Variants in FASTKD5 observed in about 807,000 individuals in gnomAD.
FASTKD5 encodes non-canonical pre-mRNAs endonuclease FASTKD5, mitochondrial.
A neutral mutation model predicts 44.0 loss-of-function variants in FASTKD5; 30 were observed. That is an observed-to-expected ratio of 0.68 (90% CI 0.51 to 0.93). FASTKD5 has a LOEUF of 0.93. FASTKD5 is among the 40% of genes least tolerant of loss of function. FASTKD5 has a pLI of 0.00. For missense variants in FASTKD5, 868 were observed against 908.2 expected, an observed-to-expected ratio of 0.96 and a Z score of 0.57; for synonymous variants, 335 against 342.2, an observed-to-expected ratio of 0.98 and a Z score of 0.23.
rs2066595569 is a variant in FASTKD5, at chr20:3,148,807, G to A, written c.264C>T (p.Ala88=). The part of the protein sequence containing the change: ...LEFSKTSSSK[A]STLQLGSPRA... ...TGGGTGAGCCCAGCTGCAATGTACT[G>A]GCCTTAGAGGAAGAAGTCTTGCTGA... Residue 88 remains alanine (A), a synonymous_variant, in exon 2 of 2, where the codon GCC becomes GCT. Coordinates refer to ENST00000380266, the MANE Select transcript of FASTKD5 (RefSeq NM_021826.5). 6.2e-7 allele frequency: 1 copy of A among 1,614,174 alleles called. No individual in the cohort carries two copies. Among genetic ancestry groups the A allele is most frequent in the African/African-American group, 1.3e-5 (1 of 75,036 alleles).
chr20:3,159,069 C>G (rs1042040305), intron 1 of FASTKD5, among the ~76,000 whole-genome samples: 1 of 152,078 alleles, frequency 6.6e-6, no homozygotes, highest in Non-Finnish European at 1.5e-5. Context: ...TGAGGGGACC[C>G]AAAGTTCCCT....
In FASTKD5 at chr20:3,147,980, C is replaced by T. The variant is rs541661773; in HGVS notation, c.1091G>A (p.Arg364His). Reference sequence around the variant, plus strand: ...ATTGATGTGATCCACGTGAGTGAAACGGAACATTTTAACAATATTCACTAA... The same window carrying T: ...ATTGATGTGATCCACGTGAGTGAAATGGAACATTTTAACAATATTCACTAA... Reference protein sequence around the residue: ...RSLVNIVKMFRFTHVDHINFM... With the variant: ...RSLVNIVKMFHFTHVDHINFM... The change falls in exon 2 of 2, where the codon CGT becomes CAT. Residue 364 changes from arginine to histidine, a missense_variant. Coordinates refer to ENST00000380266, the MANE Select transcript of FASTKD5 (RefSeq NM_021826.5). 5.6e-6 allele frequency: 9 copies of T among 1,614,144 alleles called. No homozygotes were observed. In the East Asian group the frequency reaches 6.7e-5, roughly 12 times the overall value.
At position 3,154,084 on chromosome 20, in the gene FASTKD5, C is replaced by A. The variant is rs937747023; in HGVS notation, c.-190-4824G>T. On this transcript the variant is annotated intron_variant, in intron 1 of 1. Coordinates refer to ENST00000380266, the MANE Select transcript of FASTKD5 (RefSeq NM_021826.5). ...AGGATCAAAGTAAGGAGAGCTACCACAATTGAAGACCTGAAAGTTGGCAGT... is the reference window on the plus strand; with the variant it reads ...AGGATCAAAGTAAGGAGAGCTACCAAAATTGAAGACCTGAAAGTTGGCAGT... Among the ~76,000 whole-genome samples the A allele has an allele frequency of 2.0e-5, 3 of 152,094 alleles. No homozygotes were observed. In the East Asian group the frequency reaches 5.8e-4, roughly 29 times the overall value.
chr20:3,148,933 G>A lies in FASTKD5; in HGVS notation c.138C>T (p.His46=), dbSNP rs777005954. 1.1e-5 allele frequency: 18 copies of A among 1,614,194 alleles called. No homozygotes were observed. In the East Asian group the frequency reaches 4.0e-4, roughly 36 times the overall value. ...TQHGGQDPPE[H]ISLCHSAKKV... Reference sequence around the variant, plus strand: ...TTTTGGCAGAATGGCAGAGGCTAATGTGTTCTGGAGGGTCCTGTCCCCCAT... The same window carrying A: ...TTTTGGCAGAATGGCAGAGGCTAATATGTTCTGGAGGGTCCTGTCCCCCAT... Residue 46 remains histidine, a synonymous_variant, in exon 2 of 2, where the codon CAC becomes CAT. Transcript: ENST00000380266.
intron 1 of FASTKD5, chr20:3,151,740 GA>G (rs1242930763): frequency 6.6e-6 from 1 of 151,874 alleles, no homozygotes; most frequent in Non-Finnish European, 1.5e-5. Context: ...GATAATTGAA[GA>G]TTACAGTCCT....
Position 3,147,590 on chromosome 20 carries a change from A to G in FASTKD5, c.1481T>C (p.Leu494Pro). 6.2e-7 allele frequency: 1 copy of G among 1,614,236 alleles called. No individual in the cohort carries two copies. Among genetic ancestry groups the G allele is most frequent in the African/African-American group, 1.3e-5 (1 of 75,058 alleles). The change falls in exon 2 of 2, where the codon CTC (leucine) becomes CCC (proline). Residue 494 changes from leucine (L) to proline (P), a missense_variant. Coordinates refer to ENST00000380266, the MANE Select transcript of FASTKD5 (RefSeq NM_021826.5). ...AGCTAACCTGACAAACCCTGGACTG[A>G]GAGCGAAATCAATTAACTCTACTGG... ...YFPVELIDFA[L>P]SPGFVRLAQE...
Position 3,149,177 on chromosome 20 carries a change from G to T in FASTKD5, c.-107C>A. ...CTTGATTAGAGCTGGACGGGGAGGT[G>T]TTCCACAAAAACTGCCTGGAAATCT... On this transcript the variant is annotated 5_prime_UTR_variant, in exon 2 of 2. Coordinates refer to ENST00000380266, the MANE Select transcript of FASTKD5 (RefSeq NM_021826.5). The surrounding 1 kb of genome is among the most constrained non-coding windows in gnomAD (Gnocchi z 4.1). 1.6e-6 allele frequency: 2 copies of T among 1,288,600 alleles called. No individual in the cohort carries two copies. The highest frequency in any genetic ancestry group is 2.1e-6 in the Non-Finnish European group (2 of 942,262). 79.8% of individuals were successfully genotyped at this position (1,288,600 alleles called of 1,614,324 possible).
Position 3,148,806 on chromosome 20 carries a change from T to C in FASTKD5, c.265A>G (p.Ser89Gly). The C allele has an allele frequency of 2.5e-6, 4 of 1,614,234 alleles. No homozygotes were observed. The highest frequency in any genetic ancestry group is 3.4e-6 in the Non-Finnish European group (4 of 1,180,030). ...CTGGGTGAGCCCAGCTGCAATGTAC[T>C]GGCCTTAGAGGAAGAAGTCTTGCTG... ...EFSKTSSSKA[S>G]TLQLGSPRAT... The change falls in exon 2 of 2, where the codon AGT becomes GGT. Residue 89 changes from serine (S) to glycine (G), a missense_variant. Coordinates refer to ENST00000380266, the MANE Select transcript of FASTKD5 (RefSeq NM_021826.5).
In FASTKD5 at chr20:3,146,560, A is replaced by C; in HGVS notation, c.*216T>G. 1 of 522,786 alleles carries C rather than the reference A, an allele frequency of 1.9e-6. No individual in the cohort carries two copies. The highest frequency in any genetic ancestry group is 3.3e-6 in the Non-Finnish European group (1 of 300,562). The allele number at this position is 522,786 out of a possible 1,614,324, so 32.4% of individuals were successfully genotyped here. ...CATATTAAGATGTTTATTATTTACT[A>C]AGAGTAACATGTATACATTTGCAGT... is the stretch of plus-strand genomic sequence containing the variant. On this transcript the variant is annotated 3_prime_UTR_variant, in exon 2 of 2. Transcript: ENST00000380266.
At position 3,147,290 on chromosome 20, in the gene FASTKD5, A is replaced by C. The variant is rs1225514337; in HGVS notation, c.1781T>G (p.Leu594Arg). The C allele has an allele frequency of 6.2e-7, 1 of 1,614,226 alleles. No homozygotes were observed. The highest frequency in any genetic ancestry group is 1.3e-5 in the African/African-American group (1 of 75,056). The change falls in exon 2 of 2, where the codon CTT (leucine) becomes CGT (arginine). Residue 594 changes from leucine to arginine, a missense_variant. By Grantham distance (102) the Leu-to-Arg change is moderately radical. Transcript: ENST00000380266. ...HTRSSDLEVQ[L>R]DVNLKPLPFN... The stretch of plus-strand genomic sequence containing the variant: ...TGGTAATGGCTTCAGGTTAACATCA[A>C]GCTGGACCTCTAAGTCAGAAGATCG...
rs377511660 is a variant in FASTKD5 at position 3,147,017 on chromosome 20, C to A, written c.2054G>T (p.Cys685Phe). ...TGGGGTCTGCATGCAGGCTGCGGGG[C>A]ACAGGCCAGCCATCTCCATGGCCCC... ...KSGAMEMAGL[C>F]PAACMQTPRM... The change falls in exon 2 of 2, where the codon TGC becomes TTC. Residue 685 changes from cysteine to phenylalanine, a missense_variant. Transcript: ENST00000380266. 1.2e-6 allele frequency: 2 copies of A among 1,614,052 alleles called. No individual in the cohort carries two copies. The highest frequency in any genetic ancestry group is 2.7e-5 in the African/African-American group (2 of 74,914).
At position 3,152,739 on chromosome 20, in the gene FASTKD5, C is replaced by G. The variant is rs1026351037; in HGVS notation, c.-190-3479G>C. On this transcript the variant is annotated intron_variant, in intron 1 of 1. Coordinates refer to ENST00000380266, the MANE Select transcript of FASTKD5 (RefSeq NM_021826.5). Reference sequence around the variant, plus strand: ...CCTAGCCAATATGGGGAAACGCCATCTCTACTAAAAATACAAAAATTAGCT... The same window carrying G: ...CCTAGCCAATATGGGGAAACGCCATGTCTACTAAAAATACAAAAATTAGCT... Among the ~76,000 whole-genome samples, 9 of 152,022 alleles carry G rather than the reference C, an allele frequency of 5.9e-5. No homozygotes were observed. In the East Asian group the frequency reaches 7.7e-4, roughly 13 times the overall value.
chr20:3,153,292 T>G (rs1351487055), intron 1 of FASTKD5, among the ~76,000 whole-genome samples: 1 of 152,248 alleles, frequency 6.6e-6, no homozygotes, highest in East Asian at 1.9e-4. Context: ...CTTTTTGATT[T>G]GTAAAAACAC....
At chr20:3,150,117 C>T (rs979696052) in intron 1 of FASTKD5, among the ~76,000 whole-genome samples, 3 of 152,034 alleles carry the variant, frequency 2.0e-5, no homozygotes, top group African/African-American at 4.8e-5. Context: ...CATTCTAATG[C>T]TGTTCTTTTA....
chr20:3,158,092 C>T (rs1392479398), intron 1 of FASTKD5, among the ~76,000 whole-genome samples: 1 of 152,060 alleles, frequency 6.6e-6, no homozygotes, highest in Non-Finnish European at 1.5e-5. Context: ...ACAAGCCCAC[C>T]ACCACGCCTG....
Position 3,148,610 on chromosome 20 carries a change from T to C in FASTKD5, c.461A>G (p.Asn154Ser), listed in dbSNP as rs564432413. The C allele has an allele frequency of 3.8e-5, 61 of 1,614,190 alleles. No individual in the cohort carries two copies. In the South Asian group the frequency reaches 6.1e-4, roughly 16 times the overall value. ...GELILHKVRV[N>S]QNNLQAQVIV... ...GACTTGAGCCTGGAGATTATTTTGA[T>C]TAACTCTGACTTTGTGCAAAATTAG... Residue 154 changes from asparagine to serine, a missense_variant, in exon 2 of 2, where the codon AAT (asparagine) becomes AGT (serine). Asn to Ser is a conservative substitution (Grantham distance 46). Transcript: ENST00000380266.
chr20:3,157,507 T>C (rs2066698615), intron 1 of FASTKD5, among the ~76,000 whole-genome samples: 1 of 152,264 alleles, frequency 6.6e-6, no homozygotes, highest in African/African-American at 2.4e-5. Context: ...TTTAAGACTC[T>C]GCTATTCCTC....
chr20:3,147,071 C>A lies in FASTKD5; in HGVS notation c.2000G>T (p.Gly667Val). 6 of 1,614,078 alleles carry A rather than the reference C, an allele frequency of 3.7e-6. No homozygotes were observed. The highest frequency in any genetic ancestry group is 4.2e-6 in the Non-Finnish European group (5 of 1,180,024). ...LENKAAVPLG[G>V]FLCNVADKSG... ...TTTATCTGCTACATTGCAAAGGAAG[C>A]CCCCCAGAGGTACAGCTGCCTTATT... Residue 667 changes from glycine (G) to valine (V), a missense_variant, in exon 2 of 2, where the codon GGC (glycine) becomes GTC (valine). Transcript: ENST00000380266.
Position 3,148,858 on chromosome 20 carries a change from G to T in FASTKD5, c.213C>A (p.Thr71=). 1.2e-6 allele frequency: 2 copies of T among 1,614,198 alleles called. No individual in the cohort carries two copies. Among genetic ancestry groups the T allele is most frequent in the South Asian group, 1.1e-5 (1 of 91,090 alleles). The change falls in exon 2 of 2, where the codon ACC becomes ACA. Residue 71 remains threonine (T), a synonymous_variant. Transcript: ENST00000380266. ...STFSSRRILT[T]SSAHPGLEFS... The stretch of plus-strand genomic sequence containing the variant: ...ATTCCAAACCTGGGTGGGCACTGCT[G>T]GTTGTCAGGATTCTCCGAGAAGAGA...
Sources: gnomAD v4.1 joint callset for allele counts (sites outside exome capture counted in the v4.1 genomes callset) on GRCh38, gnomAD v4.1.1 for gene constraint, Gnocchi (gnomAD v3.1) non-coding constraint, MANE v1.5 for transcripts, NCBI Gene and HGNC (gene_info 2026-07-23, HGNC 2026-07-21) for gene names.